Variants in CCNY observed in about 807,000 individuals in gnomAD.
CCNY encodes the protein cyclin-Y.
A neutral mutation model predicts 42.8 loss-of-function variants in CCNY; 19 were observed. That is an observed-to-expected ratio of 0.44 (90% CI 0.31 to 0.65). The LOEUF (loss-of-function observed/expected upper bound fraction) is 0.65. Among genes scored for constraint, CCNY ranks in the 30% least tolerant of loss-of-function variants. The pLI is 0.07. For synonymous variants in CCNY, 165 were observed against 162.7 expected (o/e 1.01, Z -0.11); for missense variants, 370 against 437.3 (o/e 0.85, Z 1.37).
At chr10:35,282,159 C>T (rs541058349) in intron 3 of CCNY, among the ~76,000 whole-genome samples, 1 of 139,806 alleles carries the variant, frequency 7.2e-6, no homozygotes, top group South Asian at 2.3e-4. Flanking sequence ...CTCACTCTGT[C>T]ACCCAGGCTG....
chr10:35,497,833 G>T (rs1564435164), intron 2 of CCNY, among the ~76,000 whole-genome samples: 1 of 152,054 alleles, frequency 6.6e-6, no homozygotes, highest in African/African-American at 2.4e-5. Flanking sequence ...AATTTTAAGG[G>T]CACTGAGGGT....
chr10:35,476,286 A>G (rs1839508213), intron 1 of CCNY, among the ~76,000 whole-genome samples: 2 of 152,150 alleles, frequency 1.3e-5, no homozygotes, highest in Non-Finnish European at 2.9e-5. Context: ...AAGCAGACCT[A>G]ATAGACATCT....
chr10:35,312,382 CAAAAAAAAAAA>C (rs35909291), intron 3 of CCNY, among the ~76,000 whole-genome samples: 1 of 61,466 alleles, frequency 1.6e-5, no homozygotes, highest in African/African-American at 6.2e-5. Flanking sequence ...CTCTGTGTCA[CAAAAAAAAAAA>C]AAAAAAAAAA....
chr10:35,551,428 A>G (rs916556729), intron 7 of CCNY, among the ~76,000 whole-genome samples: 1 of 152,090 alleles, frequency 6.6e-6, no homozygotes, highest in African/African-American at 2.4e-5. Flanking sequence ...GTTTTGTAAT[A>G]TTTAAGACTT....
At chr10:35,488,777 A>G (rs1839838076) in intron 2 of CCNY, among the ~76,000 whole-genome samples, 1 of 152,196 alleles carries the variant, frequency 6.6e-6, no homozygotes, top group Non-Finnish European at 1.5e-5. Flanking sequence ...AATATTTCAG[A>G]TGAAATTTTA....
intron 3 of CCNY, among the ~76,000 whole-genome samples, chr10:35,331,050 C>T (rs902757533): frequency 1.3e-5 from 2 of 152,200 alleles, no homozygotes; most frequent in East Asian, 1.9e-4. Context: ...TGAGCCACTG[C>T]GCCTGGCTAG....
intron 3 of CCNY, among the ~76,000 whole-genome samples, chr10:35,296,417 T>TA (rs1412014257): frequency 6.6e-6 from 1 of 151,962 alleles, no homozygotes; most frequent in Non-Finnish European, 1.5e-5. Context: ...CCATGTCGAC[T>TA]AAAAAATACA....
intron 1 of CCNY, among the ~76,000 whole-genome samples, chr10:35,443,495 A>G (rs919690628): frequency 1.3e-5 from 2 of 152,184 alleles, no homozygotes; most frequent in Non-Finnish European, 2.9e-5. Flanking sequence ...AGGCCTACAC[A>G]GGGTCAGGAT....
intron 7 of CCNY, among the ~76,000 whole-genome samples, chr10:35,546,836 AAGTC>A (rs1181562601): frequency 6.6e-6 from 1 of 152,224 alleles, no homozygotes; most frequent in Non-Finnish European, 1.5e-5. Context: ...GGTAAGTTAA[AAGTC>A]AGAAGAAAAC....
At chr10:35,316,344 C>A (rs1441449446) in intron 3 of CCNY, 1 of 152,216 alleles carries the variant, frequency 6.6e-6, no homozygotes, top group East Asian at 1.9e-4. Flanking sequence ...CAGAGCTGGG[C>A]CATGTGTTCA....
chr10:35,318,342 C>A (rs565628740), intron 3 of CCNY, among the ~76,000 whole-genome samples: 2 of 152,252 alleles, frequency 1.3e-5, no homozygotes, highest in South Asian at 4.1e-4. Context: ...ACCCACCTAC[C>A]CATGTGCAAC....
chr10:35,459,210 G>T (rs1411094678), intron 1 of CCNY, among the ~76,000 whole-genome samples: 1 of 152,228 alleles, frequency 6.6e-6, no homozygotes, highest in African/African-American at 2.4e-5. Context: ...TACACCGTGA[G>T]AGGCAGAGCT....
intron 7 of CCNY, among the ~76,000 whole-genome samples, chr10:35,546,721 G>T (rs879748178): frequency 6.6e-6 from 1 of 152,114 alleles, no homozygotes; most frequent in African/African-American, 2.4e-5. Flanking sequence ...GCTTCAGTTA[G>T]CCGTAATGGA....
rs535844432 is a variant in CCNY, at chr10:35,320,370, T to C, written c.-9+69744T>C. Among the ~76,000 whole-genome samples the C allele has an allele frequency of 3.3e-5, 5 of 152,312 alleles. No individual in the cohort carries two copies. The South Asian group carries it at 1.0e-3, about 32-fold the overall frequency. ...AACAGAACAAAGGAGAAAAACCATATATGATTCTCTTATTAGATGCAGAAA... is the reference window on the plus strand; with the variant it reads ...AACAGAACAAAGGAGAAAAACCATACATGATTCTCTTATTAGATGCAGAAA... On this transcript the variant is annotated intron_variant, in intron 3 of 11. Coordinates refer to the CCNY transcript ENST00000374706.
chr10:35,269,919 C>T (rs1408465312), intron 3 of CCNY, among the ~76,000 whole-genome samples: 2 of 152,098 alleles, frequency 1.3e-5, no homozygotes, highest in Non-Finnish European at 2.9e-5. Flanking sequence ...CGGCCAAGTT[C>T]ATCACTCTTA....
At chr10:35,306,232 A>C (rs988186887) in intron 3 of CCNY, among the ~76,000 whole-genome samples, 3 of 152,030 alleles carry the variant, frequency 2.0e-5, no homozygotes, top group African/African-American at 7.3e-5. Context: ...ACAGGGTTTC[A>C]CCATGTTGGC....
intron 2 of CCNY, among the ~76,000 whole-genome samples, chr10:35,488,975 CT>C (rs764530452): frequency 6.6e-6 from 1 of 152,150 alleles, no homozygotes; most frequent in Non-Finnish European, 1.5e-5. Flanking sequence ...CTATCATATT[CT>C]TTTCTATAAA....
intron 1 of CCNY, among the ~76,000 whole-genome samples, chr10:35,406,871 C>CA (rs1564399207): frequency 6.6e-6 from 1 of 151,838 alleles, no homozygotes; most frequent in Non-Finnish European, 1.5e-5. Flanking sequence ...GACCCCCCCC[C>CA]ACCTCCGTCC....
At chr10:35,561,336 A>G (rs914980886) in intron 8 of CCNY, among the ~76,000 whole-genome samples, 2 of 152,182 alleles carry the variant, frequency 1.3e-5, no homozygotes, top group Non-Finnish European at 2.9e-5. Context: ...GCCCTGCTGC[A>G]TTTTTCTATA....
Sources: allele counts gnomAD v4.1 joint callset (sites outside exome capture counted in the v4.1 genomes callset), GRCh38; gene constraint gnomAD v4.1.1; transcripts MANE v1.5; gene names NCBI Gene and HGNC (gene_info 2026-07-23, HGNC 2026-07-21).